The following PKP1 variants were observed in gnomAD, a reference collection of about 807,000 sequenced individuals.
The protein encoded by PKP1 is plakophilin 1, also known as plakophilin-1.
A neutral mutation model predicts 76.4 loss-of-function variants in PKP1; 27 were observed. The ratio of observed to expected loss-of-function variants is 0.35; its 90% CI spans 0.26 to 0.49. The LOEUF (loss-of-function observed/expected upper bound fraction) is 0.49. PKP1 is among the 20% of genes least tolerant of loss of function. The pLI is 0.99. For missense variants in PKP1, 964 were observed against 955.2 expected (o/e 1.01, Z -0.12); for synonymous variants, 404 against 384.2 (o/e 1.05, Z -0.60).
rs889067188 is a variant in PKP1, at chr1:201,296,126, C to T, written c.306+2081C>T. 5.9e-5 allele frequency among the ~76,000 whole-genome samples: 9 copies of T among 152,268 alleles called. No individual in the cohort carries two copies. The East Asian group carries it at 9.7e-4, about 16-fold the overall frequency. On this transcript the variant is annotated intron_variant, in intron 2 of 13. Transcript: ENST00000367324. The stretch of plus-strand genomic sequence containing the variant: ...TCATGGCAGGGTAGCTGCTGAGGCA[C>T]GTCCCATCTCCTTTCAGTTCAGGAG...
chr1:201,320,456 G>T, intron 7 of PKP1, 75 bp downstream of exon 7: 1 of 915,270 alleles, frequency 1.1e-6, no homozygotes, highest in Admixed American at 1.9e-5. Context: ...TTGAGGCCTG[G>T]CCCAGTGACA....
rs1457087583 is a variant in PKP1, at chr1:201,325,022, C to T, written c.1916C>T (p.Ser639Leu). The change falls in exon 11 of 14, where the codon TCG becomes TTG. Residue 639 changes from serine to leucine, a missense_variant. Transcript: ENST00000367324. ...AGCAACTCCGAAGACATCTTGTCCT[C>T]GGCCTGCTACACTGTGAGGAACCTG... ...NTSNSEDILS[S>L]ACYTVRNLMA... 5 of 1,613,874 alleles carry T rather than the reference C, an allele frequency of 3.1e-6. No homozygotes were observed. The highest frequency in any genetic ancestry group is 1.7e-4 in the Middle Eastern group (1 of 6,054).
intron 1 of PKP1, among the ~76,000 whole-genome samples, chr1:201,289,235 CTCA>C (rs758848778): frequency 5.9e-5 from 9 of 152,194 alleles, no homozygotes; most frequent in African/African-American, 1.2e-4. Flanking sequence ...TTCTTGTTAT[CTCA>C]TTTAAATTCC....
At chr1:201,309,998 A>G (rs1471664516) in intron 2 of PKP1, among the ~76,000 whole-genome samples, 1 of 152,176 alleles carries the variant, frequency 6.6e-6, no homozygotes, top group East Asian at 1.9e-4. Context: ...ATTTAGACCC[A>G]TTCTATGTCT....
intron 2 of PKP1, among the ~76,000 whole-genome samples, chr1:201,299,470 T>C (rs1275833719): frequency 6.6e-6 from 1 of 152,186 alleles, no homozygotes; most frequent in Non-Finnish European, 1.5e-5. Flanking sequence ...TTCTCAATTA[T>C]GGAGCAAGGC....
In PKP1 at chr1:201,323,002, T is replaced by C; in HGVS notation, c.1504-11T>C. ...CCCCATTGACCCCCCTGACCGGCTC[T>C]TTATCCTCAGAACAACAACTATGAC... is the stretch of plus-strand genomic sequence containing the variant. On this transcript the variant is annotated splice_polypyrimidine_tract_variant and intron_variant, in intron 8 of 13. Transcript: ENST00000367324. 1 of 1,613,792 alleles carries C rather than the reference T, an allele frequency of 6.2e-7. No individual in the cohort carries two copies. The highest frequency in any genetic ancestry group is 2.2e-5 in the East Asian group (1 of 44,872).
chr1:201,324,791 G>C, intron 10 of PKP1, 150 bp from the exon 11 acceptor site: 1 of 993,138 alleles, frequency 1.0e-6, no homozygotes, highest in Non-Finnish European at 1.5e-6. Flanking sequence ...GGGTCTCTGA[G>C]CCCTGAGTTG....
rs565782641 is a variant in PKP1 at position 201,296,986 on chromosome 1, C to A, written c.306+2941C>A. Among the ~76,000 whole-genome samples the A allele has an allele frequency of 2.0e-5, 3 of 152,276 alleles. 1 individual carries two copies. Among genetic ancestry groups the A allele is most frequent in the Admixed American group, 2.0e-4 (3 of 15,294 alleles). ...TATCTCATTTAAATATGTAAAGGAT[C>A]TGTAGGCAATTCCAAAAAGAAGGCT... is the stretch of plus-strand genomic sequence containing the variant. On this transcript the variant is annotated intron_variant, in intron 2 of 13. Transcript: ENST00000367324.
intron 2 of PKP1, 94 bp from the exon 3 acceptor site, chr1:201,313,072 A>T: frequency 7.7e-7 from 1 of 1,300,890 alleles, no homozygotes; most frequent in Non-Finnish European, 1.1e-6. Flanking sequence ...AAGCGTTATT[A>T]TGGGGGCTGG....
At chr1:201,313,753 G>A (rs890651294) in intron 3 of PKP1, among the ~76,000 whole-genome samples, 193 bp downstream of exon 3, 1 of 152,250 alleles carries the variant, frequency 6.6e-6, no homozygotes, top group African/African-American at 2.4e-5. Flanking sequence ...TTGAACTCAA[G>A]AAGTTCTTAG....
chr1:201,307,033 T>C (rs1656391641), intron 2 of PKP1, among the ~76,000 whole-genome samples: 2 of 152,168 alleles, frequency 1.3e-5, no homozygotes. Flanking sequence ...CATCAAGGTG[T>C]TTATGGCTTC....
chr1:201,328,300 G>A (rs978985044), intron 12 of PKP1: 2 of 290,404 alleles, frequency 6.9e-6, no homozygotes, highest in Non-Finnish European at 1.3e-5. Flanking sequence ...TTCTAGCACA[G>A]CGGCTTCTTA....
intron 2 of PKP1, among the ~76,000 whole-genome samples, chr1:201,307,629 C>G (rs988463617): frequency 6.6e-6 from 1 of 152,178 alleles, no homozygotes; most frequent in South Asian, 2.1e-4. Flanking sequence ...GATGGGTCAG[C>G]TCTGCCCAAT....
chr1:201,316,502 G>A (rs1267427403), intron 3 of PKP1, 51 bp from the exon 4 acceptor site: 2 of 1,553,136 alleles, frequency 1.3e-6, no homozygotes, highest in South Asian at 1.2e-5. Context: ...AGCCCCCTCA[G>A]CAGGGCTCCC....
chr1:201,323,391 G>T (rs1460520946), intron 9 of PKP1, among the ~76,000 whole-genome samples: 1 of 149,438 alleles, frequency 6.7e-6, no homozygotes, highest in East Asian at 2.0e-4. Flanking sequence ...ATGCAGAGAG[G>T]GTGGGCCCAC....
At chr1:201,298,016 C>T (rs1481587669) in intron 2 of PKP1, among the ~76,000 whole-genome samples, 1 of 152,144 alleles carries the variant, frequency 6.6e-6, no homozygotes, top group East Asian at 1.9e-4. Context: ...ACTACATGCC[C>T]CGTCTATCTA....
chr1:201,304,701 G>T (rs777075853), intron 2 of PKP1, among the ~76,000 whole-genome samples: 1 of 152,214 alleles, frequency 6.6e-6, no homozygotes, highest in Non-Finnish European at 1.5e-5. Context: ...AGTTTCTGTA[G>T]AGGGCCCCCT....
At chr1:201,311,923 G>C (rs1312383246) in intron 2 of PKP1, among the ~76,000 whole-genome samples, 1 of 152,206 alleles carries the variant, frequency 6.6e-6, no homozygotes, top group Admixed American at 6.5e-5. Flanking sequence ...GAACTGATTC[G>C]CACCAAGTCT....
At chr1:201,314,567 T>C (rs1656669205) in intron 3 of PKP1, among the ~76,000 whole-genome samples, 1 of 152,168 alleles carries the variant, frequency 6.6e-6, no homozygotes, top group South Asian at 2.1e-4. Flanking sequence ...TGCATACATG[T>C]GGAAGGCCAT....
Sources: gnomAD v4.1 joint callset for allele counts (sites outside exome capture counted in the v4.1 genomes callset) on GRCh38, gnomAD v4.1.1 for gene constraint, MANE v1.5 for transcripts, NCBI Gene and HGNC (gene_info 2026-07-23, HGNC 2026-07-21) for gene names.